UNKL: variants seen among roughly 807,000 people sequenced by gnomAD.
The protein encoded by UNKL is unk like zinc finger.
In UNKL, 60 loss-of-function variants were observed where a neutral mutation model predicts 78.0. The observed-to-expected ratio is 0.77, with a 90% confidence interval of 0.63 to 0.95. The LOEUF (loss-of-function observed/expected upper bound fraction) is 0.95. Among genes scored for constraint, UNKL ranks in the 40% least tolerant of loss-of-function variants. The probability of loss-of-function intolerance (pLI) is 0.00; values close to 1 mark genes in which losing one functional copy is unlikely to be tolerated. For missense variants in UNKL, 1,159 were observed against 1,045.7 expected (o/e 1.11, Z -1.49); for synonymous variants, 608 against 474.8 (o/e 1.28, Z -3.65).
intron 2 of UNKL, chr16:1,405,966 G>T (rs1165194224): frequency 2.2e-6 from 1 of 456,756 alleles, no homozygotes; most frequent in South Asian, 1.5e-5. Flanking sequence ...CGAGCCACAT[G>T]CATCAAAATC....
Position 1,364,316 on chromosome 16 carries a change from C to G in UNKL, c.*1924G>C, listed in dbSNP as rs1323395116. ...TACGTTAAAACAGTTCTTAAACCACCTACTATATTAAATACATTCTAATTT... is the reference window on the plus strand; with the variant it reads ...TACGTTAAAACAGTTCTTAAACCACGTACTATATTAAATACATTCTAATTT... On this transcript the variant is annotated 3_prime_UTR_variant, in exon 15 of 15. Transcript: ENST00000389221. 1 of 152,218 alleles carries G rather than the reference C, an allele frequency of 6.6e-6. No individual in the cohort carries two copies. The highest frequency in any genetic ancestry group is 1.5e-5 in the Non-Finnish European group (1 of 68,038). The allele number at this position is 152,218 out of a possible 1,614,324, so 9.4% of individuals were successfully genotyped here.
At chr16:1,412,865 C>T (rs1247012120) in intron 2 of UNKL, among the ~76,000 whole-genome samples, 1 of 152,050 alleles carries the variant, frequency 6.6e-6, no homozygotes, top group South Asian at 2.1e-4. Flanking sequence ...GAGACCAGAC[C>T]AGGCTACAGC....
At chr16:1,386,661 A>C (rs943543738) in intron 9 of UNKL, among the ~76,000 whole-genome samples, 1 of 152,234 alleles carries the variant, frequency 6.6e-6, no homozygotes, top group East Asian at 1.9e-4. Context: ...TGATTTTACT[A>C]GTTTGTCTCC....
At chr16:1,370,455 G>C in intron 11 of UNKL, 98 bp from the exon 12 acceptor site, 1 of 1,487,010 alleles carries the variant, frequency 6.7e-7, no homozygotes, top group Non-Finnish European at 8.9e-7. Flanking sequence ...CCTGCAGGTG[G>C]TGGTGGTGGG....
chr16:1,406,067 C>T (rs772123379), intron 2 of UNKL: 4 of 456,612 alleles, frequency 8.8e-6, no homozygotes, highest in Admixed American at 2.4e-5. Flanking sequence ...AGGGAACGTG[C>T]GAGAACCACC....
chr16:1,405,648 G>A (rs1415177646), intron 2 of UNKL, among the ~76,000 whole-genome samples: 1 of 151,992 alleles, frequency 6.6e-6, no homozygotes, highest in Non-Finnish European at 1.5e-5. Flanking sequence ...GAGGTGAGAG[G>A]GAATACCTAA....
chr16:1,397,923 T>C (rs1185421858), intron 5 of UNKL, among the ~76,000 whole-genome samples: 1 of 152,114 alleles, frequency 6.6e-6, no homozygotes, highest in Non-Finnish European at 1.5e-5. Flanking sequence ...GGCCCTGGAG[T>C]GACAGGCAAC....
rs531681643 is a variant in UNKL, at chr16:1,403,519, G to A, written c.288-175C>T. 3.0e-4 allele frequency among the ~76,000 whole-genome samples: 46 copies of A among 152,198 alleles called. No homozygotes were observed. The highest frequency in any genetic ancestry group is 3.4e-3 in the Middle Eastern group (1 of 294). On this transcript the variant is annotated intron_variant, in intron 2 of 14. Transcript: ENST00000389221. The surrounding 1 kb of genome is among the most constrained non-coding windows in gnomAD (Gnocchi z 4.8). ...CTGGACGCAGCACCTGTCCCCAAAT[G>A]TGGAACCGCCCAGGTACACAGACCA...
rs1237249500 is a variant in UNKL at position 1,401,565 on chromosome 16, T to C, written c.598+3A>G. ...CCGCCCTCAGCTGCGGCCGTGGAGTTACCTTGCCACCGGGGGTCCTCGCTC... is the reference window on the plus strand; with the variant it reads ...CCGCCCTCAGCTGCGGCCGTGGAGTCACCTTGCCACCGGGGGTCCTCGCTC... On this transcript the variant is annotated splice_donor_region_variant and intron_variant, in intron 4 of 14. Transcript: ENST00000389221. 6.5e-7 allele frequency: 1 copy of C among 1,544,090 alleles called. No individual in the cohort carries two copies.
intron 12 of UNKL, among the ~76,000 whole-genome samples, chr16:1,369,374 CTTTTT>C (rs879894924): frequency 3.5e-5 from 5 of 141,738 alleles, no homozygotes; most frequent in Middle Eastern, 7.8e-3. Flanking sequence ...GCCTTTTTCT[CTTTTT>C]TTTTTTTGAG....
chr16:1,388,358 G>A (rs971800458), intron 9 of UNKL, among the ~76,000 whole-genome samples: 1 of 152,140 alleles, frequency 6.6e-6, no homozygotes, highest in Admixed American at 6.5e-5. Context: ...GCCCGGCCCA[G>A]GGTGAATGCA....
intron 2 of UNKL, among the ~76,000 whole-genome samples, chr16:1,407,572 T>C (rs943159922): frequency 6.6e-6 from 1 of 151,824 alleles, no homozygotes; most frequent in Non-Finnish European, 1.5e-5. Context: ...GGTGTGCGCC[T>C]ATGGTCCCAG....
chr16:1,370,232 C>G lies in UNKL; in HGVS notation c.1483G>C (p.Gly495Arg), dbSNP rs978071786. ...PLGSLSQPLP[G>R]PVGSSAMTPP... is the part of the protein sequence containing the mutation. ...GTCATGGCTGAGGAGCCCACCGGCC[C>G]TGGGAGGGGCTGGGACAGCGAACCG... Residue 495 changes from glycine (G) to arginine (R), a missense_variant, in exon 12 of 15, where the codon GGG becomes CGG. By Grantham distance (125) the Gly-to-Arg change is moderately radical. Coordinates refer to ENST00000389221, the MANE Select transcript of UNKL (RefSeq NM_001372107.1). 6.5e-7 allele frequency: 1 copy of G among 1,530,820 alleles called. No homozygotes were observed. Among genetic ancestry groups the G allele is most frequent in the Non-Finnish European group, 8.8e-7 (1 of 1,139,310 alleles). 94.8% of individuals were successfully genotyped at this position (1,530,820 alleles called of 1,614,324 possible). A position where few individuals can be genotyped will look rare whatever the true frequency, so the allele number is the denominator to read the frequency against.
rs749514450 is a variant in UNKL, at chr16:1,401,625, C to T, written c.541G>A (p.Val181Ile). Residue 181 changes from valine (V) to isoleucine (I), a missense_variant, in exon 4 of 15, where the codon GTC (valine) becomes ATC (isoleucine). By Grantham distance (29) the Val-to-Ile change is conservative (BLOSUM62 3). Coordinates refer to ENST00000389221, the MANE Select transcript of UNKL (RefSeq NM_001372107.1). ...GEGVPDLQPG[V>I]LASQAMIEKI... ...TCAATCATGGCCTGGCTGGCCAAGACCCCAGGCTGCAGATCCGGGACCCCT... is the reference window on the plus strand; with the variant it reads ...TCAATCATGGCCTGGCTGGCCAAGATCCCAGGCTGCAGATCCGGGACCCCT... The T allele has an allele frequency of 3.7e-6, 6 of 1,610,060 alleles. No homozygotes were observed. Among genetic ancestry groups the T allele is most frequent in the East Asian group, 2.2e-5 (1 of 44,760 alleles).
chr16:1,394,133 T>C lies in UNKL; in HGVS notation c.935A>G (p.Glu312Gly), dbSNP rs536847071. 2 of 1,550,578 alleles carry C rather than the reference T, an allele frequency of 1.3e-6. No homozygotes were observed. Among genetic ancestry groups the C allele is most frequent in the African/African-American group, 2.7e-5 (2 of 73,186 alleles). Residue 312 changes from glutamate (E) to glycine (G), a missense_variant and splice_region_variant, in exon 7 of 15, where the codon GAG becomes GGG. Physicochemically the swap from Glu to Gly is moderately conservative, Grantham distance 98. Transcript: ENST00000389221. Reference sequence around the variant, plus strand: ...CTGCCACAGGGACGGTTACTCACTCTCAACGTGTGCAAAGGCACAGAAGGG... The same window carrying C: ...CTGCCACAGGGACGGTTACTCACTCCCAACGTGTGCAAAGGCACAGAAGGG... ...RGPFCAFAHV[E>G]KSLGMVNEWG...
intron 2 of UNKL, among the ~76,000 whole-genome samples, chr16:1,406,981 A>G (rs2037793408): frequency 6.6e-6 from 1 of 151,810 alleles, no homozygotes; most frequent in East Asian, 1.9e-4. Context: ...TCTACTAAAA[A>G]TACACACATA....
intron 12 of UNKL, 79 bp from the exon 13 acceptor site, chr16:1,367,937 G>A: frequency 1.5e-6 from 2 of 1,324,320 alleles, no homozygotes; most frequent in Non-Finnish European, 2.1e-6. Context: ...TATGCCCCAG[G>A]CCCCACCGCT....
chr16:1,405,281 G>A (rs1424904842), intron 2 of UNKL, among the ~76,000 whole-genome samples: 1 of 144,580 alleles, frequency 6.9e-6, no homozygotes, highest in African/African-American at 2.6e-5. Context: ...GGGAGGGAGG[G>A]AGAAAGGAAG....
intron 7 of UNKL, 95 bp downstream of exon 7, chr16:1,394,036 C>A: frequency 7.5e-7 from 1 of 1,326,694 alleles, no homozygotes; most frequent in Admixed American, 2.1e-5. Context: ...CTTCCAGGTC[C>A]TCGTGGGCAG....
Sources: allele counts gnomAD v4.1 joint callset (sites outside exome capture counted in the v4.1 genomes callset), GRCh38; gene constraint gnomAD v4.1.1; non-coding constraint Gnocchi (gnomAD v3.1); transcripts MANE v1.5; gene names NCBI Gene and HGNC (gene_info 2026-07-23, HGNC 2026-07-21).